POC1B: variants seen among roughly 807,000 people sequenced by gnomAD.
POC1B encodes POC1 centriolar protein homolog B.
In POC1B, 44 loss-of-function variants were observed where a neutral mutation model predicts 60.6. The ratio of observed to expected loss-of-function variants is 0.73; its 90% CI spans 0.57 to 0.93. POC1B has a LOEUF of 0.93. Ranked by LOEUF, POC1B falls within the 40% of genes least tolerant of loss-of-function variation. The pLI is 0.00. For missense variants in POC1B, 555 were observed against 572.3 expected (o/e 0.97, Z 0.31); for synonymous variants, 180 against 198.9 (o/e 0.90, Z 0.80).
intron 4 of POC1B, among the ~76,000 whole-genome samples, chr12:89,474,742 C>T (rs1253092194): frequency 6.6e-6 from 1 of 152,170 alleles, no homozygotes; most frequent in African/African-American, 2.4e-5. Flanking sequence ...GTGTCTTCTA[C>T]TGGCCCAAAT....
chr12:89,402,668 C>T, the POC1B span, among the ~76,000 whole-genome samples: 2 of 152,158 alleles, frequency 1.3e-5, no homozygotes, highest in Non-Finnish European at 2.9e-5. Context: ...TAATGGCCTC[C>T]AGTTTCATCC....
chr12:89,524,237 A>G (rs1565766204), intron 2 of POC1B: 9 of 1,613,996 alleles, frequency 5.6e-6, no homozygotes, highest in South Asian at 1.1e-5. Flanking sequence ...TCACTGAGGT[A>G]AATATTGATG....
Position 89,425,307 on chromosome 12 carries a change from A to C in POC1B, c.1186T>G (p.Leu396Val), listed in dbSNP as rs1321937081. Residue 396 changes from leucine (L) to valine (V), a missense_variant, in exon 11 of 12, where the codon TTA becomes GTA. By Grantham distance (32) the Leu-to-Val change is conservative. Coordinates refer to ENST00000313546, the MANE Select transcript of POC1B (RefSeq NM_172240.3). ...EACGYFLNPS[L>V]MSPECLPTTT... ...GTTGGCAAACATTCTGGTGACATTA[A>C]GGAAGGGTTCAAGAAATATCCACAG... The C allele has an allele frequency of 5.0e-6, 8 of 1,614,174 alleles. No homozygotes were observed. The highest frequency in any genetic ancestry group is 6.8e-6 in the Non-Finnish European group (8 of 1,180,016).
chr12:89,470,301 TTAAAA>T (rs1288334493), intron 7 of POC1B, 55 bp downstream of exon 7: 2 of 951,154 alleles, frequency 2.1e-6, no homozygotes, highest in African/African-American at 3.5e-5. Context: ...GATCAGAAAT[TTAAAA>T]TATATATTAT....
chr12:89,525,062 G>A (rs1482883438), intron 2 of POC1B, 58 bp downstream of exon 2: 4 of 1,609,228 alleles, frequency 2.5e-6, no homozygotes, highest in Non-Finnish European at 3.4e-6. Context: ...CAGGAGGAAA[G>A]GTTTCCGGCC....
At chr12:89,452,423 T>C (rs1194026951) in intron 10 of POC1B, among the ~76,000 whole-genome samples, 1 of 152,158 alleles carries the variant, frequency 6.6e-6, no homozygotes, top group African/African-American at 2.4e-5. Context: ...TTTTTCTGTC[T>C]TCACATTTTA....
chr12:89,413,973 C>A, the POC1B span, among the ~76,000 whole-genome samples: 1 of 152,106 alleles, frequency 6.6e-6, no homozygotes, highest in Non-Finnish European at 1.5e-5. Flanking sequence ...CTCACTGCAA[C>A]CTCCGCCTCC....
chr12:89,470,559 T>C, intron 6 of POC1B, 65 bp from the exon 7 acceptor site: 1 of 1,349,732 alleles, frequency 7.4e-7, no homozygotes, highest in Non-Finnish European at 1.0e-6. Flanking sequence ...GATACCCCAG[T>C]GCCTTATTAG....
In POC1B at chr12:89,508,499, T is replaced by G. The variant is rs143821860; in HGVS notation, c.101-11157A>C. 7.2e-5 allele frequency among the ~76,000 whole-genome samples: 11 copies of G among 152,364 alleles called. No individual in the cohort carries two copies. In the East Asian group the frequency reaches 2.1e-3, roughly 29 times the overall value. ...GTTGTACCCTTAGCAGTGCATCATA[T>G]TAGGGTGCACATGATGTCTCTTTGT... is the stretch of plus-strand genomic sequence containing the variant. On this transcript the variant is annotated intron_variant, in intron 2 of 11. Coordinates refer to ENST00000313546, the MANE Select transcript of POC1B (RefSeq NM_172240.3).
At chr12:89,525,040 AC>A in intron 2 of POC1B, 79 bp downstream of exon 2, 1 of 1,584,658 alleles carries the variant, frequency 6.3e-7, no homozygotes, top group East Asian at 2.3e-5. Flanking sequence ...TCTCCTAGGG[AC>A]CCTGCCCGGA....
In POC1B at chr12:89,459,621, A is replaced by AC. The variant is rs757893688; in HGVS notation, c.1113+16_1113+17insG. The stretch of plus-strand genomic sequence containing the variant: ...TGCCACTTAAGTGTCAAAAAAAAAA[A>AC]AAAAAACCCGACTTACTGTGGTAGA... On this transcript the variant is annotated intron_variant, in intron 10 of 11. Transcript: ENST00000313546. 1.0e-3 allele frequency: 1,426 copies of AC among 1,376,332 alleles called. 27 individuals carry two copies. Among genetic ancestry groups the AC allele is most frequent in the Middle Eastern group, 9.7e-3 (50 of 5,172 alleles). 85.3% of individuals were successfully genotyped at this position (1,376,332 alleles called of 1,614,324 possible).
chr12:89,471,520 CAAGT>C, intron 6 of POC1B, 90 bp downstream of exon 6: 1 of 991,922 alleles, frequency 1.0e-6, no homozygotes, highest in Non-Finnish European at 1.6e-6. Context: ...CCCATGACCC[CAAGT>C]AAGACAGCCA....
At chr12:89,476,747 T>TAGACAGACAGACAGAC (rs755421486) in intron 4 of POC1B, among the ~76,000 whole-genome samples, 20 of 128,824 alleles carry the variant, frequency 1.6e-4, no homozygotes, top group African/African-American at 5.6e-4. Context: ...GATAGATAGA[T>TAGACAGACAGACAGAC]AGATAGATAG....
intron 2 of POC1B, among the ~76,000 whole-genome samples, chr12:89,518,838 A>G (rs1369043788): frequency 6.6e-6 from 1 of 152,210 alleles, no homozygotes; most frequent in Non-Finnish European, 1.5e-5. Context: ...AGGAACTTTT[A>G]AGTGTATAAA....
chr12:89,454,060 T>A (rs1210719433), intron 10 of POC1B, among the ~76,000 whole-genome samples: 1 of 152,174 alleles, frequency 6.6e-6, no homozygotes, highest in Non-Finnish European at 1.5e-5. Flanking sequence ...CCCAAAGTCA[T>A]GGAAATGGCA....
At chr12:89,474,994 C>G (rs1250019877) in intron 4 of POC1B, among the ~76,000 whole-genome samples, 3 of 152,170 alleles carry the variant, frequency 2.0e-5, no homozygotes, top group African/African-American at 7.2e-5. Flanking sequence ...GTACCTGGCA[C>G]TGGGCACTGC....
chr12:89,496,142 C>A (rs1194590554), intron 3 of POC1B, among the ~76,000 whole-genome samples: 2 of 151,990 alleles, frequency 1.3e-5, no homozygotes, highest in Non-Finnish European at 2.9e-5. Context: ...CTAGATGGTC[C>A]CATCTGGGTT....
Position 89,525,962 on chromosome 12 carries a change from G to A in POC1B, c.-67C>T. On this transcript the variant is annotated 5_prime_UTR_variant, in exon 1 of 12. Transcript: ENST00000313546. ...CCGGAGAGGGGAGGGGAGAGGATGG[G>A]GAAGGAGAGGGGACCGTGCGGCTCC... The A allele has an allele frequency of 1.3e-6, 2 of 1,544,596 alleles. No individual in the cohort carries two copies. Among genetic ancestry groups the A allele is most frequent in the East Asian group, 2.5e-5 (1 of 40,696 alleles).
intron 10 of POC1B, among the ~76,000 whole-genome samples, chr12:89,429,727 T>C (rs2120671457): frequency 6.6e-6 from 1 of 152,322 alleles, no homozygotes; most frequent in Admixed American, 6.5e-5. Context: ...TCTCTGGCAC[T>C]GCTGAATGAG....
Sources: gnomAD v4.1 joint callset for allele counts (sites outside exome capture counted in the v4.1 genomes callset) on GRCh38, gnomAD v4.1.1 for gene constraint, MANE v1.5 for transcripts, NCBI Gene and HGNC (gene_info 2026-07-23, HGNC 2026-07-21) for gene names.